NME9: variants seen among roughly 807,000 people sequenced by gnomAD.
NME9 encodes the protein NME/NM23 family member 9.
NME9 carries 48 observed loss-of-function variants against 44.4 expected under a neutral mutation model. That is an observed-to-expected ratio of 1.08 (90% CI 0.86 to 1.37). The LOEUF (loss-of-function observed/expected upper bound fraction) is 1.37, where lower values mean the gene tolerates loss of function less well. NME9 is among the 40% of genes most tolerant of loss of function. The pLI, the probability that NME9 is intolerant of heterozygous loss-of-function variation, is 0.00. For synonymous variants in NME9, 139 were observed against 147.1 expected (o/e 0.94, Z 0.40); for missense variants, 325 against 405.2 (o/e 0.80, Z 1.70).
chr3:138,291,691 C>T (rs1271860055), intron 8 of NME9, among the ~76,000 whole-genome samples: 1 of 152,160 alleles, frequency 6.6e-6, no homozygotes, highest in Non-Finnish European at 1.5e-5. Flanking sequence ...AAAGATCTCT[C>T]TGAGGATGAC....
At chr3:138,326,462 C>T (rs2053792118) in intron 1 of NME9, among the ~76,000 whole-genome samples, 2 of 152,126 alleles carry the variant, frequency 1.3e-5, no homozygotes, top group Admixed American at 6.5e-5. Flanking sequence ...GAGACACAGT[C>T]TCACTCTGTC....
Position 138,306,024 on chromosome 3 carries a change from A to G in NME9, c.616T>C (p.Tyr206His), listed in dbSNP as rs1577128705. Reference protein sequence around the residue: ...TMTEAEVRLFYQHKAGEEAFE... With the variant: ...TMTEAEVRLFHQHKAGEEAFE... ...CTGACCTCTCCAGCTTTGTGTTGGT[A>G]GAAAAGTCGCACTTCTGCCTCTGTC... Residue 206 changes from tyrosine to histidine, a missense_variant, in exon 8 of 11, where the codon TAC (tyrosine) becomes CAC (histidine). Transcript: ENST00000333911. 3 of 1,612,766 alleles carry G rather than the reference A, an allele frequency of 1.9e-6. No individual in the cohort carries two copies. The highest frequency in any genetic ancestry group is 2.5e-6 in the Non-Finnish European group (3 of 1,178,746).
chr3:138,306,577 A>G (rs2052280880), intron 6 of NME9, 97 bp from the exon 7 acceptor site: 1 of 723,090 alleles, frequency 1.4e-6, no homozygotes, highest in African/African-American at 1.8e-5. Flanking sequence ...GCTCCATTGC[A>G]CCAAGTGCCA....
chr3:138,280,999 C>T (rs796615934), intron 8 of NME9, among the ~76,000 whole-genome samples: 1 of 152,134 alleles, frequency 6.6e-6, no homozygotes, highest in Non-Finnish European at 1.5e-5. Context: ...TTTGCAGGCT[C>T]TGGTCTCTAG....
At chr3:138,270,319 C>T (rs1560022468) in intron 8 of NME9, among the ~76,000 whole-genome samples, 2 of 152,284 alleles carry the variant, frequency 1.3e-5, no homozygotes, top group East Asian at 3.9e-4. Flanking sequence ...TAACTGTAAG[C>T]AAGTTATGCC....
At chr3:138,299,025 G>A (rs976640251), downstream of NME9, among the ~76,000 whole-genome samples, 3 of 152,220 alleles carry the variant, frequency 2.0e-5, no homozygotes, top group African/African-American at 7.2e-5. Flanking sequence ...ACTTGGAAGT[G>A]AGGTCTAAGG....
At chr3:138,288,947 C>T in intron 8 of NME9, 1 of 949,706 alleles carries the variant, frequency 1.1e-6, no homozygotes, top group African/African-American at 1.6e-5. Context: ...CTGCTTCAGA[C>T]TTTTAGGTTA....
At chr3:138,282,543 A>T (rs1177990524) in intron 8 of NME9, among the ~76,000 whole-genome samples, 3 of 151,442 alleles carry the variant, frequency 2.0e-5, no homozygotes, top group Non-Finnish European at 4.4e-5. Context: ...TACTTGGGAG[A>T]CTAAGGCAGG....
At chr3:138,274,233 A>ATGTGTGTGTGTGTGTG (rs142329302) in intron 8 of NME9, among the ~76,000 whole-genome samples, 11 of 142,268 alleles carry the variant, frequency 7.7e-5, no homozygotes, top group African/African-American at 2.8e-4. Flanking sequence ...GTGTATATAC[A>ATGTGTGTGTGTGTGTG]TGTGTGTGTG....
At chr3:138,328,354 C>T (rs1249808287) in intron 1 of NME9, among the ~76,000 whole-genome samples, 1 of 151,072 alleles carries the variant, frequency 6.6e-6, no homozygotes, top group African/African-American at 2.4e-5. Flanking sequence ...CCCCACACCC[C>T]TCCCACCCCC....
At chr3:138,307,836 G>A (rs2052388446) in intron 6 of NME9, among the ~76,000 whole-genome samples, 3 of 152,204 alleles carry the variant, frequency 2.0e-5, no homozygotes, top group African/African-American at 4.8e-5. Context: ...AGAAGGTTTT[G>A]AGAAGGAAGA....
chr3:138,320,015 C>G (rs2053364916), intron 2 of NME9, among the ~76,000 whole-genome samples: 1 of 152,162 alleles, frequency 6.6e-6, no homozygotes, highest in Non-Finnish European at 1.5e-5. Context: ...ACAGGTTTGA[C>G]CTTTTCCTCT....
intron 8 of NME9, 107 bp from the exon 9 acceptor site, chr3:138,305,134 C>T: frequency 1.9e-6 from 2 of 1,057,592 alleles, no homozygotes; most frequent in East Asian, 4.8e-5. Context: ...AGTGAGCAGC[C>T]TTGCTACCAG....
At chr3:138,306,851 G>A (rs1194664893) in intron 6 of NME9, among the ~76,000 whole-genome samples, 1 of 152,212 alleles carries the variant, frequency 6.6e-6, no homozygotes, top group Non-Finnish European at 1.5e-5. Context: ...CTGGGGAGTG[G>A]GAAGAAGAGG....
intron 6 of NME9, among the ~76,000 whole-genome samples, chr3:138,310,082 TAAA>T (rs2052589269): frequency 6.7e-6 from 1 of 150,342 alleles, no homozygotes; most frequent in South Asian, 2.1e-4. Flanking sequence ...ACTTTACCTA[TAAA>T]GACACATAGA....
chr3:138,265,222 T>G (rs2048164890), intron 8 of NME9, among the ~76,000 whole-genome samples: 1 of 152,050 alleles, frequency 6.6e-6, no homozygotes, highest in Non-Finnish European at 1.5e-5. Context: ...AACATAACAT[T>G]TTTGGTGTTA....
At chr3:138,301,842 G>A in intron 10 of NME9, 138 bp from the exon 11 acceptor site, 1 of 631,874 alleles carries the variant, frequency 1.6e-6, no homozygotes, top group Non-Finnish European at 2.8e-6. Context: ...ATACGTGTTA[G>A]GGACCAGGAA....
chr3:138,292,422 G>A (rs968046271), intron 8 of NME9, among the ~76,000 whole-genome samples: 1 of 152,234 alleles, frequency 6.6e-6, no homozygotes, highest in African/African-American at 2.4e-5. Context: ...ACAGAGACCA[G>A]TTAAAGGCCA....
intron 8 of NME9, among the ~76,000 whole-genome samples, chr3:138,274,260 T>A (rs1005874902): frequency 6.6e-6 from 1 of 151,786 alleles, no homozygotes; most frequent in Non-Finnish European, 1.5e-5. Context: ...TGTGTGTGTG[T>A]ATGACATATT....
Sources: gnomAD v4.1 joint callset for allele counts (sites outside exome capture counted in the v4.1 genomes callset) on GRCh38, gnomAD v4.1.1 for gene constraint, MANE v1.5 for transcripts, NCBI Gene and HGNC (gene_info 2026-07-23, HGNC 2026-07-21) for gene names.